SEMA6D: variants seen among roughly 807,000 people sequenced by gnomAD.
The protein encoded by SEMA6D is semaphorin 6D, also known as semaphorin-6D.
Under a neutral mutation model 106.6 loss-of-function variants are expected in SEMA6D, and 35 were observed. That is an observed-to-expected ratio of 0.33 (90% CI 0.25 to 0.44). The LOEUF is 0.44. SEMA6D is among the 20% of genes least tolerant of loss of function. The probability of loss-of-function intolerance (pLI) is 1.00; values close to 1 mark genes in which losing one functional copy is unlikely to be tolerated. For synonymous variants in SEMA6D, 499 were observed against 487.7 expected (o/e 1.02, Z -0.31); for missense variants, 1,185 against 1,345.9 (o/e 0.88, Z 1.87).
chr15:47,566,716 C>A (rs149983424), intron 3 of SEMA6D, among the ~76,000 whole-genome samples: 1 of 152,306 alleles, frequency 6.6e-6, no homozygotes, highest in Non-Finnish European at 1.5e-5. Context: ...CGGAGTTCCA[C>A]ATATGGAAAG....
At chr15:47,695,662 T>A in intron 4 of SEMA6D, among the ~76,000 whole-genome samples, 1 of 152,162 alleles carries the variant, frequency 6.6e-6, no homozygotes, top group East Asian at 1.9e-4. Context: ...ATAATATTTG[T>A]TATCTAACAA....
intron 4 of SEMA6D, among the ~76,000 whole-genome samples, chr15:47,683,802 T>C (rs1252434600): frequency 2.6e-5 from 4 of 152,234 alleles, no homozygotes; most frequent in Non-Finnish European, 5.9e-5. Context: ...AGGCCATGGC[T>C]GAGTGAAATA....
upstream of SEMA6D, among the ~76,000 whole-genome samples, chr15:47,713,974 G>T (rs1265012935): frequency 6.6e-6 from 1 of 152,146 alleles, no homozygotes; most frequent in Non-Finnish European, 1.5e-5. Context: ...TATTTATTCA[G>T]TGCTTGCTTT....
At chr15:47,694,999 A>G (rs1733448815) in intron 4 of SEMA6D, among the ~76,000 whole-genome samples, 1 of 152,186 alleles carries the variant, frequency 6.6e-6, no homozygotes, top group Non-Finnish European at 1.5e-5. Flanking sequence ...TAAAGTCAAT[A>G]TGGATGGAGA....
intron 3 of SEMA6D, among the ~76,000 whole-genome samples, chr15:47,570,652 G>A (rs553636086): frequency 5.9e-5 from 9 of 152,224 alleles, no homozygotes; most frequent in Admixed American, 4.6e-4. Flanking sequence ...CAGCAGGCCC[G>A]GCGCAGCCTC....
rs74013777 is a variant in SEMA6D, at chr15:47,292,056, C to T, written c.-239+107638C>T. On this transcript the variant is annotated intron_variant, in intron 1 of 19. Transcript: ENST00000558014. ...TCTTTTCTCCAATGTAGGAAGAACA[C>T]ATTAAAATGAATAAGTCATGTTATT... Among the ~76,000 whole-genome samples, 584 of 152,280 alleles carry T rather than the reference C, an allele frequency of 3.8e-3. 3 individuals carry two copies. The highest frequency in any genetic ancestry group is 0.013 in the African/African-American group (559 of 41,562).
intron 1 of SEMA6D, among the ~76,000 whole-genome samples, chr15:47,298,609 G>GC (rs1486416779): frequency 2.6e-5 from 4 of 152,100 alleles, no homozygotes; most frequent in Non-Finnish European, 5.9e-5. Context: ...TTACGTCTGT[G>GC]CAATGCTCCA....
At chr15:47,652,467 C>T (rs2077710080) in intron 4 of SEMA6D, among the ~76,000 whole-genome samples, 1 of 152,150 alleles carries the variant, frequency 6.6e-6, no homozygotes, top group Admixed American at 6.5e-5. Flanking sequence ...CTCCTCACCC[C>T]GCCTGCCCGC....
chr15:47,729,121 C>T (rs1264946243), intron 1 of SEMA6D, among the ~76,000 whole-genome samples: 1 of 152,172 alleles, frequency 6.6e-6, no homozygotes, highest in Non-Finnish European at 1.5e-5. Flanking sequence ...ACTTCAAAGT[C>T]CAGCATCTCA....
chr15:47,254,327 G>GTA (rs1457735009), intron 1 of SEMA6D, among the ~76,000 whole-genome samples: 10 of 79,664 alleles, frequency 1.3e-4, no homozygotes, highest in South Asian at 7.4e-4. Context: ...ATATGTGTGT[G>GTA]TGTGTATATA....
intron 3 of SEMA6D, among the ~76,000 whole-genome samples, chr15:47,522,992 A>C (rs1219860921): frequency 6.6e-6 from 1 of 152,216 alleles, no homozygotes; most frequent in Non-Finnish European, 1.5e-5. Flanking sequence ...GAATATTGTC[A>C]AAAGGACCAC....
intron 4 of SEMA6D, among the ~76,000 whole-genome samples, chr15:47,686,920 T>C (rs2078481793): frequency 6.6e-6 from 1 of 151,572 alleles, no homozygotes; most frequent in Non-Finnish European, 1.5e-5. Context: ...GAAAAAATCA[T>C]CTAAGAGGGA....
At chr15:47,361,399 A>C (rs1163667095) in intron 1 of SEMA6D, among the ~76,000 whole-genome samples, 1 of 152,216 alleles carries the variant, frequency 6.6e-6, no homozygotes, top group Non-Finnish European at 1.5e-5. Context: ...ATAGCATCAA[A>C]CTAGAAATTA....
chr15:47,757,217 A>G (rs1342478670), intron 1 of SEMA6D, among the ~76,000 whole-genome samples: 1 of 152,166 alleles, frequency 6.6e-6, no homozygotes, highest in Non-Finnish European at 1.5e-5. Context: ...CCATTCAGTT[A>G]CCTGTCATGG....
At chr15:47,757,399 A>C (rs538378506) in intron 1 of SEMA6D, among the ~76,000 whole-genome samples, 1 of 152,288 alleles carries the variant, frequency 6.6e-6, no homozygotes, top group African/African-American at 2.4e-5. Flanking sequence ...TCTAGTTCTT[A>C]AGGCAACATT....
At chr15:47,590,411 A>G (rs531774599) in intron 3 of SEMA6D, among the ~76,000 whole-genome samples, 15 of 152,240 alleles carry the variant, frequency 9.9e-5, no homozygotes, top group Non-Finnish European at 8.8e-5. Context: ...GGATAGCATT[A>G]GGAGAAATAT....
intron 3 of SEMA6D, among the ~76,000 whole-genome samples, chr15:47,496,441 C>T (rs558440177): frequency 2.0e-5 from 3 of 152,106 alleles, no homozygotes; most frequent in African/African-American, 7.2e-5. Flanking sequence ...TGCTTAGTTA[C>T]CCACTCTACT....
chr15:47,445,781 T>C (rs543568056), intron 2 of SEMA6D, among the ~76,000 whole-genome samples: 1 of 152,148 alleles, frequency 6.6e-6, no homozygotes, highest in African/African-American at 2.4e-5. Flanking sequence ...AGTCAAGGCA[T>C]GTCCTCCCCC....
intron 1 of SEMA6D, among the ~76,000 whole-genome samples, chr15:47,289,577 T>A (rs1486178536): frequency 6.6e-6 from 1 of 151,918 alleles, no homozygotes; most frequent in Non-Finnish European, 1.5e-5. Context: ...GCAAGAGTGG[T>A]TGTGAAATGG....
Sources: gnomAD v4.1 joint callset for allele counts (sites outside exome capture counted in the v4.1 genomes callset) on GRCh38, gnomAD v4.1.1 for gene constraint, MANE v1.5 for transcripts, NCBI Gene and HGNC (gene_info 2026-07-23, HGNC 2026-07-21) for gene names.